The following GPHN variants were observed in gnomAD, a reference collection of about 807,000 sequenced individuals.
GPHN encodes the protein gephyrin.
In GPHN, 17 loss-of-function variants were observed where a neutral mutation model predicts 95.5. The observed-to-expected ratio is 0.18, with a 90% CI of 0.12 to 0.27. The LOEUF (loss-of-function observed/expected upper bound fraction) is 0.27, where lower values mean the gene tolerates loss of function less well. Among genes scored for constraint, GPHN ranks in the 10% least tolerant of loss-of-function variants. GPHN has a pLI of 1.00. For missense variants in GPHN, 660 were observed against 978.1 expected (o/e 0.67, Z 4.34); for synonymous variants, 320 against 322.5 (o/e 0.99, Z 0.08).
At chr14:67,143,203 C>T (rs981140089) in intron 17 of GPHN, 159 bp from the exon 18 acceptor site, 2 of 655,038 alleles carry the variant, frequency 3.1e-6, no homozygotes, top group Middle Eastern at 8.2e-4. Context: ...CTTAATGCTC[C>T]TGTTAGGCAG....
chr14:67,382,383 G>A, the GPHN span: 1 of 1,433,404 alleles, frequency 7.0e-7, no homozygotes. Context: ...AAAATCTCAA[G>A]CATCCTAATA....
the GPHN span, among the ~76,000 whole-genome samples, chr14:67,190,778 G>GCTGGAC: frequency 4.6e-5 from 7 of 152,200 alleles, 1 homozygote; most frequent in East Asian, 1.3e-3. Context: ...CTAGAATTGT[G>GCTGGAC]CTGGACCTAG....
the GPHN span, among the ~76,000 whole-genome samples, chr14:67,611,572 T>G: frequency 2.6e-5 from 4 of 152,268 alleles, no homozygotes; most frequent in African/African-American, 9.6e-5. Flanking sequence ...TGGCCACATG[T>G]ACCCTGTAAT....
At chr14:67,246,871 T>C in the GPHN span, among the ~76,000 whole-genome samples, 35 of 152,070 alleles carry the variant, frequency 2.3e-4, no homozygotes, top group Non-Finnish European at 4.0e-4. Context: ...AGGATGGTCT[T>C]GATCTCCTGA....
the GPHN span, among the ~76,000 whole-genome samples, chr14:67,276,398 G>A: frequency 6.6e-6 from 1 of 152,050 alleles, no homozygotes; most frequent in Non-Finnish European, 1.5e-5. Flanking sequence ...TCTACTATCT[G>A]GCTAATTTTT....
At chr14:67,346,484 G>A in the GPHN span, among the ~76,000 whole-genome samples, 1 of 152,100 alleles carries the variant, frequency 6.6e-6, no homozygotes, top group South Asian at 2.1e-4. Context: ...GCTAATTTTT[G>A]TAACTTTTTG....
chr14:67,638,223 T>C, the GPHN span, among the ~76,000 whole-genome samples: 7 of 152,248 alleles, frequency 4.6e-5, no homozygotes, highest in African/African-American at 1.7e-4. Context: ...AATAATATTA[T>C]GTATTATGCC....
chr14:66,795,762 A>C (rs2060133144), intron 3 of GPHN, among the ~76,000 whole-genome samples: 1 of 152,210 alleles, frequency 6.6e-6, no homozygotes, highest in South Asian at 2.1e-4. Context: ...TGCTACACGC[A>C]TGCAATGCAT....
chr14:67,593,502 AAG>A, the GPHN span: 1 of 483,124 alleles, frequency 2.1e-6, no homozygotes. Flanking sequence ...AAAAAAAAAA[AAG>A]AAAAAAGATA....
chr14:67,401,379 G>A, the GPHN span, among the ~76,000 whole-genome samples: 1 of 152,122 alleles, frequency 6.6e-6, no homozygotes, highest in Non-Finnish European at 1.5e-5. Context: ...AGGCGTGGTG[G>A]CACGTGCCTG....
chr14:67,462,980 A>C, the GPHN span, among the ~76,000 whole-genome samples: 1 of 152,238 alleles, frequency 6.6e-6, no homozygotes, highest in African/African-American at 2.4e-5. Flanking sequence ...TTACTAATTC[A>C]TCCTGATTTG....
At chr14:67,566,972 G>A in the GPHN span, among the ~76,000 whole-genome samples, 1 of 152,140 alleles carries the variant, frequency 6.6e-6, no homozygotes, top group Non-Finnish European at 1.5e-5. Flanking sequence ...GCAGCGTCAG[G>A]TCTTCCCACA....
the GPHN span, among the ~76,000 whole-genome samples, chr14:67,431,696 A>ACAG: frequency 0.022 from 3,310 of 151,862 alleles, 107 homozygotes; most frequent in African/African-American, 0.067. Flanking sequence ...CAACTCAACA[A>ACAG]CAGCAGCAGC....
chr14:66,574,267 A>G (rs915418277), intron 1 of GPHN, among the ~76,000 whole-genome samples: 1 of 152,152 alleles, frequency 6.6e-6, no homozygotes, highest in African/African-American at 2.4e-5. Flanking sequence ...AACTTTAACC[A>G]TTTACTAAAA....
intron 1 of GPHN, among the ~76,000 whole-genome samples, chr14:66,616,171 T>C (rs1162503985): frequency 6.6e-6 from 1 of 150,750 alleles, no homozygotes; most frequent in Non-Finnish European, 1.5e-5. Context: ...TTGCTCAGGA[T>C]TGTCTTGGCT....
At chr14:67,081,999 G>A (rs1184636483) in intron 11 of GPHN, among the ~76,000 whole-genome samples, 1 of 152,044 alleles carries the variant, frequency 6.6e-6, no homozygotes, top group Non-Finnish European at 1.5e-5. Flanking sequence ...TAGTGACTAT[G>A]GCCTTACGGT....
intron 11 of GPHN, among the ~76,000 whole-genome samples, chr14:67,063,776 G>T (rs2075920889): frequency 6.6e-6 from 1 of 152,180 alleles, no homozygotes; most frequent in South Asian, 2.1e-4. Flanking sequence ...TTTGCAGGTT[G>T]ATTTTGTATC....
the GPHN span, chr14:67,384,464 A>G: frequency 6.6e-6 from 1 of 152,072 alleles, no homozygotes; most frequent in African/African-American, 2.4e-5. Flanking sequence ...AGTTACAGCT[A>G]CAGTAGTCAG....
chr14:67,099,556 AAAC>A (rs1692744802), intron 12 of GPHN, among the ~76,000 whole-genome samples: 1 of 152,012 alleles, frequency 6.6e-6, no homozygotes, highest in Non-Finnish European at 1.5e-5. Context: ...TCAAAAAAAA[AAAC>A]ACAAGAAAGG....
Sources: gnomAD v4.1 joint callset for allele counts (sites outside exome capture counted in the v4.1 genomes callset) on GRCh38, gnomAD v4.1.1 for gene constraint, MANE v1.5 for transcripts, NCBI Gene and HGNC (gene_info 2026-07-23, HGNC 2026-07-21) for gene names.